GSTZ1: variants seen among roughly 807,000 people sequenced by gnomAD.
GSTZ1 encodes maleylacetoacetate isomerase.
A neutral mutation model predicts 35.9 loss-of-function variants in GSTZ1; 34 were observed. That is an observed-to-expected ratio of 0.95 (90% CI 0.72 to 1.26). The LOEUF (loss-of-function observed/expected upper bound fraction) is 1.26, where lower values mean the gene tolerates loss of function less well. Among genes scored for constraint, GSTZ1 ranks in the 50% most tolerant of loss-of-function variants. GSTZ1 has a pLI of 0.00. For missense variants in GSTZ1, 263 were observed against 271.7 expected, an observed-to-expected ratio of 0.97 and a Z score of 0.23; for synonymous variants, 93 against 101.2, an observed-to-expected ratio of 0.92 and a Z score of 0.49.
At chr14:77,321,451 G>GCCCTCCCTGCTCCCCATAACAGAC in intron 1 of GSTZ1, 1 of 1,516,550 alleles carries the variant, frequency 6.6e-7, no homozygotes, top group Non-Finnish European at 8.8e-7. Flanking sequence ...CTTCTGCTCC[G>GCCCTCCCTGCTCCCCATAACAGAC]CCCTCCCTGC....
Position 77,331,106 on chromosome 14 carries a change from T to C in GSTZ1, c.562T>C (p.Ser188Pro). ...VDLTPYPTISSINKRLLVLEA... is the reference protein window; with the variant it reads ...VDLTPYPTISPINKRLLVLEA... ...TCTCACCCCCTACCCTACCATCAGC[T>C]CCATCAACAAGAGGCTGCTGGTCTT... Residue 188 changes from serine to proline, a missense_variant, in exon 9 of 9, where the codon TCC becomes CCC. Ser to Pro is a moderately conservative substitution (Grantham distance 74, BLOSUM62 -1). Coordinates refer to ENST00000216465, the MANE Select transcript of GSTZ1 (RefSeq NM_145870.3). 1 of 1,613,778 alleles carries C rather than the reference T, an allele frequency of 6.2e-7. No homozygotes were observed. The highest frequency in any genetic ancestry group is 8.5e-7 in the Non-Finnish European group (1 of 1,179,706).
intron 3 of GSTZ1, 149 bp from the exon 4 acceptor site, chr14:77,327,323 C>A: frequency 1.5e-6 from 1 of 649,002 alleles, no homozygotes; most frequent in Non-Finnish European, 2.8e-6. Context: ...CATGGATCCC[C>A]CAGGGATTAC....
At position 77,321,172 on chromosome 14, in the gene GSTZ1, C is replaced by G. The variant is rs893145800; in HGVS notation, c.4C>G (p.Gln2Glu). 5.5e-6 allele frequency: 8 copies of G among 1,462,496 alleles called. No homozygotes were observed. Among genetic ancestry groups the G allele is most frequent in the Non-Finnish European group, 7.3e-6 (8 of 1,100,856 alleles). 90.6% of individuals were successfully genotyped at this position (1,462,496 alleles called of 1,614,324 possible). A position where few individuals can be genotyped will look rare whatever the true frequency, so the allele number is the denominator to read the frequency against. Reference sequence around the variant, plus strand: ...AGGGGGTCGCGCGAAGTGCCAGATGCAGGCGGGGAAGGTCTGTGACGCGCA... The same window carrying G: ...AGGGGGTCGCGCGAAGTGCCAGATGGAGGCGGGGAAGGTCTGTGACGCGCA... M[Q>E]AGKPILYSYF... The change falls in exon 1 of 9, where the codon CAG becomes GAG. Residue 2 changes from glutamine to glutamate, a missense_variant. Coordinates refer to ENST00000216465, the MANE Select transcript of GSTZ1 (RefSeq NM_145870.3).
In GSTZ1 at chr14:77,329,179, C is replaced by T. The variant is rs199798136; in HGVS notation, c.399C>T (p.Asn133=). The T allele has an allele frequency of 3.1e-6, 5 of 1,611,078 alleles. No individual in the cohort carries two copies. The highest frequency in any genetic ancestry group is 2.2e-5 in the East Asian group (1 of 44,872). ...AGATGCAGCTGACCTGGGCCCAGAA[C>T]GCCATCACTTGTGGCTTTAACGGTG... The part of the protein sequence containing the change: ...GEEMQLTWAQ[N]AITCGFNALE... The change falls in exon 6 of 9, where the codon AAC becomes AAT. Residue 133 remains asparagine, a synonymous_variant. Transcript: ENST00000216465.
chr14:77,331,004 C>T, intron 8 of GSTZ1, 65 bp from the exon 9 acceptor site: 3 of 1,510,828 alleles, frequency 2.0e-6, no homozygotes, highest in Non-Finnish European at 2.7e-6. Flanking sequence ...GCTCCCCCTG[C>T]TGCATCAGGG....
At chr14:77,323,703 A>C (rs1258198056) in intron 1 of GSTZ1, 2 of 152,216 alleles carry the variant, frequency 1.3e-5, no homozygotes, top group Non-Finnish European at 2.9e-5. Flanking sequence ...GTGTTGAGCA[A>C]ACAGAAATTC....
At chr14:77,321,504 C>T (rs1891974479) in intron 1 of GSTZ1, 3 of 1,373,750 alleles carry the variant, frequency 2.2e-6, no homozygotes, top group Non-Finnish European at 2.8e-6. Flanking sequence ...TTCCAAACGT[C>T]GCCCCAAGCC....
chr14:77,327,743 C>G, intron 4 of GSTZ1, 169 bp from the exon 5 acceptor site: 2 of 739,108 alleles, frequency 2.7e-6, no homozygotes, highest in Non-Finnish European at 4.6e-6. Flanking sequence ...GAACCAAGTT[C>G]TGCATGATAA....
At chr14:77,330,954 C>T in intron 8 of GSTZ1, 115 bp from the exon 9 acceptor site, 3 of 983,802 alleles carry the variant, frequency 3.0e-6, no homozygotes, top group Admixed American at 2.1e-5. Context: ...ATCGTCCTTC[C>T]CTGGACAGCT....
intron 7 of GSTZ1, 100 bp from the exon 8 acceptor site, chr14:77,330,210 G>C: frequency 1.2e-6 from 1 of 863,258 alleles, no homozygotes; most frequent in East Asian, 2.4e-5. Flanking sequence ...AGCCGAAGCA[G>C]ATTGTTGGTA....
At position 77,327,994 on chromosome 14, in the gene GSTZ1, G is replaced by C; in HGVS notation, c.299G>C (p.Arg100Pro). The change falls in exon 5 of 9, where the codon CGT (arginine) becomes CCT (proline). Residue 100 changes from arginine (R) to proline (P), a missense_variant. Physicochemically the swap from Arg to Pro is moderately radical, Grantham distance 103. Coordinates refer to ENST00000216465, the MANE Select transcript of GSTZ1 (RefSeq NM_145870.3). ...GACCCAAAGAAGAGGGCCAGCGTGC[G>C]TATGATTTCTGACCTCATCGCTGGT... ...PQDPKKRASV[R>P]MISDLIAGGI... 3.7e-6 allele frequency: 6 copies of C among 1,614,072 alleles called. No homozygotes were observed. Among genetic ancestry groups the C allele is most frequent in the Non-Finnish European group, 4.2e-6 (5 of 1,179,944 alleles).
Position 77,324,719 on chromosome 14 carries a change from G to C in GSTZ1, c.16-151G>C, listed in dbSNP as rs184019878. ...ATTTTGGAGCCAAGGGACCTCATGA[G>C]CCTCTCAGAGAGCTTGGAGTCTGCC... On this transcript the variant is annotated intron_variant, in intron 1 of 8. Coordinates refer to ENST00000216465, the MANE Select transcript of GSTZ1 (RefSeq NM_145870.3). 164 of 1,142,100 alleles carry C rather than the reference G, an allele frequency of 1.4e-4. 1 individual carries two copies. The East Asian group carries it at 3.9e-3, about 27-fold the overall frequency. 70.7% of individuals were successfully genotyped at this position (1,142,100 alleles called of 1,614,324 possible). A position where few individuals can be genotyped will look rare whatever the true frequency, so the allele number is the denominator to read the frequency against.
At chr14:77,329,096 A>C (rs8177567) in intron 5 of GSTZ1, 27 bp from the exon 6 acceptor site, 1 of 1,546,694 alleles carries the variant, frequency 6.5e-7, no homozygotes, top group Non-Finnish European at 8.9e-7. Context: ...TGTCAGCGCA[A>C]TCACAGATTT....
chr14:77,328,889 T>C (rs1892468811), intron 5 of GSTZ1: 1 of 579,078 alleles, frequency 1.7e-6, no homozygotes, highest in Non-Finnish European at 3.1e-6. Flanking sequence ...TCTGACAGAA[T>C]CACGTGGCTT....
intron 3 of GSTZ1, 129 bp downstream of exon 3, chr14:77,327,034 C>A: frequency 1.4e-6 from 1 of 698,120 alleles, no homozygotes; most frequent in Non-Finnish European, 2.5e-6. Flanking sequence ...CTGCAGGAGG[C>A]TGCTGGCTCT....
intron 2 of GSTZ1, 112 bp from the exon 3 acceptor site, chr14:77,326,726 T>G: frequency 2.0e-5 from 14 of 692,738 alleles, no homozygotes; most frequent in South Asian, 7.0e-5. Context: ...CACCCAGAAG[T>G]GTTAGAGAAG....
At chr14:77,330,580 C>T (rs1386970358) in intron 8 of GSTZ1, among the ~76,000 whole-genome samples, 1 of 152,186 alleles carries the variant, frequency 6.6e-6, no homozygotes, top group Non-Finnish European at 1.5e-5. Flanking sequence ...TAGATAGCCC[C>T]AGCTCCTAAG....
intron 5 of GSTZ1, chr14:77,328,266 A>G (rs900377896): frequency 2.2e-5 from 12 of 545,330 alleles, no homozygotes; most frequent in Non-Finnish European, 3.6e-5. Context: ...CCAAGGACGC[A>G]TGTACAGGTG....
chr14:77,330,427 G>A (rs1007780754), intron 8 of GSTZ1, 68 bp downstream of exon 8: 16 of 1,271,190 alleles, frequency 1.3e-5, no homozygotes, highest in African/African-American at 5.9e-5. Context: ...CTCAGCTGGC[G>A]AGATAGCATC....
Sources: gnomAD v4.1 joint callset for allele counts (sites outside exome capture counted in the v4.1 genomes callset) on GRCh38, gnomAD v4.1.1 for gene constraint, MANE v1.5 for transcripts, NCBI Gene and HGNC (gene_info 2026-07-23, HGNC 2026-07-21) for gene names.